Variants in CACNA1C observed in about 807,000 individuals in gnomAD.
CACNA1C encodes the protein voltage-dependent L-type calcium channel subunit alpha-1C.
A neutral mutation model predicts 229.0 loss-of-function variants in CACNA1C; 30 were observed. The ratio of observed to expected loss-of-function variants is 0.13; its 90% CI spans 0.10 to 0.18. CACNA1C has a LOEUF of 0.18. CACNA1C is among the 10% of genes least tolerant of loss of function. CACNA1C has a pLI of 1.00. For missense variants in CACNA1C, 1,658 were observed against 2,845.0 expected (o/e 0.58, Z 9.49); for synonymous variants, 1,114 against 1,132.5 (o/e 0.98, Z 0.33).
chr12:2,129,816 C>G (rs2091659372), intron 3 of CACNA1C, among the ~76,000 whole-genome samples: 1 of 152,160 alleles, frequency 6.6e-6, no homozygotes, highest in Non-Finnish European at 1.5e-5. Flanking sequence ...GGGGTGTCAG[C>G]CTCCTCCAGC....
chr12:2,106,874 AC>A (rs2079047571), intron 1 of CACNA1C, among the ~76,000 whole-genome samples: 1 of 51,274 alleles, frequency 2.0e-5, no homozygotes, highest in Non-Finnish European at 4.2e-5. Context: ...GAGGGTTTCC[AC>A]CTCAGCTGGG....
At chr12:2,526,580 T>C (rs2099818842) in intron 9 of CACNA1C, among the ~76,000 whole-genome samples, 2 of 152,250 alleles carry the variant, frequency 1.3e-5, no homozygotes, top group Admixed American at 6.5e-5. Flanking sequence ...CTCCTCCTCC[T>C]GCACCCAGTT....
intron 3 of CACNA1C, among the ~76,000 whole-genome samples, chr12:2,277,686 G>A (rs1293954762): frequency 2.0e-5 from 3 of 152,132 alleles, no homozygotes. Context: ...TCTCAGCCAG[G>A]CAACATCCGA....
chr12:2,449,695 T>A (rs1485588890), intron 4 of CACNA1C, among the ~76,000 whole-genome samples: 1 of 152,210 alleles, frequency 6.6e-6, no homozygotes, highest in Non-Finnish European at 1.5e-5. Context: ...TGGACCTGAG[T>A]GCTCCTGATG....
At chr12:2,153,170 G>C (rs1031090835) in intron 3 of CACNA1C, among the ~76,000 whole-genome samples, 8 of 152,088 alleles carry the variant, frequency 5.3e-5, no homozygotes, top group South Asian at 2.1e-4. Flanking sequence ...TCCTCTCTCT[G>C]TGTCTGTTGT....
intron 3 of CACNA1C, among the ~76,000 whole-genome samples, chr12:2,365,111 C>G (rs779941143): frequency 5.3e-5 from 8 of 152,216 alleles, no homozygotes; most frequent in Non-Finnish European, 1.0e-4. Context: ...GAAGAACCTC[C>G]TGATACTTTC....
At position 2,512,836 on chromosome 12, in the gene CACNA1C, G is replaced by A. The variant is rs764828828; in HGVS notation, c.1242G>A (p.Lys414=). The change falls in exon 9 of 47, where the codon AAG becomes AAA. Residue 414 remains lysine, a synonymous_variant. Transcript: ENST00000399655. The surrounding 1 kb of genome is among the most constrained non-coding windows in gnomAD (Gnocchi z 4.3). The stretch of plus-strand genomic sequence containing the variant: ...GAGAGTTTTCCAAAGAGAGGGAGAA[G>A]GCCAAGGCCCGGGGAGATTTCCAGA... ...LSGEFSKERE[K]AKARGDFQKL... is the part of the protein sequence containing the mutation. 11 of 1,613,070 alleles carry A rather than the reference G, an allele frequency of 6.8e-6. No homozygotes were observed. In the South Asian group the frequency reaches 1.1e-4, roughly 16 times the overall value.
chr12:2,295,754 A>G (rs189119574), intron 3 of CACNA1C, among the ~76,000 whole-genome samples: 1 of 152,328 alleles, frequency 6.6e-6, no homozygotes, highest in African/African-American at 2.4e-5. Flanking sequence ...CATTACTTCC[A>G]TTTTGCAGGT....
chr12:2,222,158 TAAAA>T (rs1307673582), intron 3 of CACNA1C: 1 of 152,204 alleles, frequency 6.6e-6, no homozygotes, highest in Non-Finnish European at 1.5e-5. Flanking sequence ...AATAAAAACT[TAAAA>T]AAAGCCCTGT....
At chr12:2,416,231 C>T (rs1179247196) in intron 3 of CACNA1C, among the ~76,000 whole-genome samples, 1 of 152,198 alleles carries the variant, frequency 6.6e-6, no homozygotes, top group Non-Finnish European at 1.5e-5. Flanking sequence ...GTGACAGCAC[C>T]CTTCCTTTAT....
intron 3 of CACNA1C, among the ~76,000 whole-genome samples, chr12:2,419,708 T>G (rs547514049): frequency 6.6e-6 from 1 of 152,304 alleles, no homozygotes; most frequent in Admixed American, 6.5e-5. Flanking sequence ...GCACAAACCC[T>G]TCCTTCACAC....
intron 3 of CACNA1C, among the ~76,000 whole-genome samples, chr12:2,263,235 G>T (rs947259114): frequency 6.7e-6 from 1 of 149,934 alleles, no homozygotes; most frequent in Admixed American, 6.6e-5. Context: ...TGCCCAGCGT[G>T]TCTGGGAGCA....
In CACNA1C at chr12:2,649,085, T is replaced by G. The variant is rs1422626861; in HGVS notation, c.3945+578T>G. On this transcript the variant is annotated intron_variant, in intron 31 of 46. Transcript: ENST00000399655. The surrounding 1 kb of genome is among the most constrained non-coding windows in gnomAD (Gnocchi z 4.4). The stretch of plus-strand genomic sequence containing the variant: ...CAGTCACTCCAACCTTGCTATCCCT[T>G]GCATTTTTCTAAATTCCTGAAGTCC... Among the ~76,000 whole-genome samples the G allele has an allele frequency of 6.6e-6, 1 of 152,186 alleles. No individual in the cohort carries two copies. The highest frequency in any genetic ancestry group is 2.4e-5 in the African/African-American group (1 of 41,438).
rs1418428314 is a variant in CACNA1C, at chr12:2,034,494, CT to C, written c.139+63294del. ...ATCCCTCGGAGGTCTCAGGCAGAGG[CT>C]GAGGTACTAAGGTTGAGGGTACTGT... On this transcript the variant is annotated intron_variant, in intron 1 of 46. Transcript: ENST00000682462. This position sits in a 1 kb window ranked among gnomAD's most constrained non-coding sequence, Gnocchi z 4.1. Among the ~76,000 whole-genome samples the C allele has an allele frequency of 1.3e-5, 2 of 152,206 alleles. No individual in the cohort carries two copies. Among genetic ancestry groups the C allele is most frequent in the Non-Finnish European group, 2.9e-5 (2 of 68,036 alleles).
chr12:2,420,671 G>T (rs183719868), intron 3 of CACNA1C, among the ~76,000 whole-genome samples: 2 of 152,234 alleles, frequency 1.3e-5, no homozygotes, highest in Non-Finnish European at 2.9e-5. Flanking sequence ...ACTCAGAGAC[G>T]TTTGGAATGG....
chr12:2,455,494 G>A (rs768242619), intron 4 of CACNA1C, among the ~76,000 whole-genome samples: 16 of 152,170 alleles, frequency 1.1e-4, no homozygotes, highest in Admixed American at 9.8e-4. Flanking sequence ...TATGATCACT[G>A]TTAATTTCAC....
intron 9 of CACNA1C, among the ~76,000 whole-genome samples, chr12:2,513,569 A>T (rs530987311): frequency 1.3e-5 from 2 of 152,222 alleles, no homozygotes; most frequent in African/African-American, 4.8e-5. Flanking sequence ...AGTTGAGCCA[A>T]TTCCCTTCCT....
At chr12:2,284,604 G>A (rs1165577038) in intron 3 of CACNA1C, among the ~76,000 whole-genome samples, 1 of 152,226 alleles carries the variant, frequency 6.6e-6, no homozygotes, top group Admixed American at 6.5e-5. Context: ...AAAGGTCTGT[G>A]AAAGTGAGGC....
At chr12:2,556,106 C>T (rs2044103836) in intron 10 of CACNA1C, among the ~76,000 whole-genome samples, 2 of 152,190 alleles carry the variant, frequency 1.3e-5, no homozygotes, top group Non-Finnish European at 2.9e-5. Context: ...CTAATGGTCT[C>T]AACTGCTTAC....
Sources: gnomAD v4.1 joint callset for allele counts (sites outside exome capture counted in the v4.1 genomes callset) on GRCh38, gnomAD v4.1.1 for gene constraint, Gnocchi (gnomAD v3.1) non-coding constraint, MANE v1.5 for transcripts, NCBI Gene and HGNC (gene_info 2026-07-23, HGNC 2026-07-21) for gene names.